NPAS3: variants seen among roughly 807,000 people sequenced by gnomAD.
NPAS3 encodes neuronal PAS domain protein 3, also known as neuronal PAS domain-containing protein 3.
Under a neutral mutation model 73.1 loss-of-function variants are expected in NPAS3, and 14 were observed. The ratio of observed to expected loss-of-function variants is 0.19; its 90% CI spans 0.13 to 0.30. The LOEUF (loss-of-function observed/expected upper bound fraction) is 0.30, where lower values mean the gene tolerates loss of function less well. Among genes scored for constraint, NPAS3 ranks in the 10% least tolerant of loss-of-function variants. The pLI is 1.00. For missense variants in NPAS3, 1,096 were observed against 1,250.0 expected (o/e 0.88, Z 1.86); for synonymous variants, 620 against 541.5 (o/e 1.14, Z -2.01).
rs550869349 is a variant in NPAS3, at chr14:33,638,659, T to C, written c.559-37552T>C. ...AACTTTGCAGTTGGTAGGGGCAACA[T>C]CATTGCTGGGCTCCTTGGGGAAAGA... is the stretch of plus-strand genomic sequence containing the variant. On this transcript the variant is annotated intron_variant, in intron 5 of 11. Transcript: ENST00000356141. 1.2e-4 allele frequency among the ~76,000 whole-genome samples: 18 copies of C among 152,328 alleles called. No homozygotes were observed. In the East Asian group the frequency reaches 2.3e-3, roughly 20 times the overall value.
intron 5 of NPAS3, among the ~76,000 whole-genome samples, chr14:33,605,393 T>TAAAA (rs57109563): frequency 7.6e-4 from 105 of 137,386 alleles, no homozygotes; most frequent in African/African-American, 2.1e-3. Flanking sequence ...GCATTCAAAT[T>TAAAA]AAAAAAAAAA....
At chr14:33,653,189 T>A (rs2059048696) in intron 5 of NPAS3, among the ~76,000 whole-genome samples, 2 of 152,228 alleles carry the variant, frequency 1.3e-5, no homozygotes, top group African/African-American at 4.8e-5. Flanking sequence ...CTAGCTGCTT[T>A]AAAGTAGGTC....
At chr14:33,603,576 G>A (rs1374489590) in intron 5 of NPAS3, among the ~76,000 whole-genome samples, 3 of 152,058 alleles carry the variant, frequency 2.0e-5, no homozygotes, top group Non-Finnish European at 2.9e-5. Context: ...AGCAGCAAGA[G>A]GGAAAAAGGA....
intron 2 of NPAS3, among the ~76,000 whole-genome samples, chr14:33,205,113 CAATCTT>C (rs1460898135): frequency 6.6e-6 from 1 of 152,086 alleles, no homozygotes; most frequent in Non-Finnish European, 1.5e-5. Flanking sequence ...TAGAAATAAA[CAATCTT>C]AATATTTTGA....
intron 8 of NPAS3, 138 bp downstream of exon 8, chr14:33,774,668 T>A (rs1415833031): frequency 1.5e-6 from 1 of 655,104 alleles, no homozygotes; most frequent in African/African-American, 1.8e-5. Flanking sequence ...CCACTTGGAC[T>A]GACACCAAAC....
chr14:33,352,388 A>T (rs1479563603), intron 3 of NPAS3, among the ~76,000 whole-genome samples: 1 of 152,210 alleles, frequency 6.6e-6, no homozygotes. Context: ...TGCTACAGAG[A>T]GATTAAAAAT....
intron 5 of NPAS3, among the ~76,000 whole-genome samples, chr14:33,637,632 C>A (rs2058558477): frequency 6.6e-6 from 1 of 152,160 alleles, no homozygotes; most frequent in Non-Finnish European, 1.5e-5. Flanking sequence ...ATCAATACAT[C>A]TTAGGCAAGG....
intron 2 of NPAS3, among the ~76,000 whole-genome samples, chr14:33,115,222 T>A (rs117201400): frequency 5.7e-4 from 87 of 152,184 alleles, no homozygotes; most frequent in Admixed American, 1.2e-3. Flanking sequence ...ACTTTGATAG[T>A]TGGTGGGTGA....
chr14:33,270,540 G>A (rs183326219), intron 3 of NPAS3, among the ~76,000 whole-genome samples: 4 of 152,238 alleles, frequency 2.6e-5, no homozygotes, highest in Admixed American at 2.0e-4. Context: ...GGAAAAGGGA[G>A]AGATGGAAGG....
At chr14:33,146,097 T>C (rs1037542301) in intron 2 of NPAS3, among the ~76,000 whole-genome samples, 8 of 152,170 alleles carry the variant, frequency 5.3e-5, no homozygotes, top group African/African-American at 1.9e-4. Flanking sequence ...AGATTATGCC[T>C]CTCAAAAAAT....
At chr14:33,705,828 A>G (rs973242415) in intron 6 of NPAS3, among the ~76,000 whole-genome samples, 16 of 152,252 alleles carry the variant, frequency 1.1e-4, no homozygotes, top group African/African-American at 3.6e-4. Context: ...CTATTTTCAT[A>G]AGGAAACTAA....
At chr14:33,424,074 T>C (rs923614810) in intron 4 of NPAS3, among the ~76,000 whole-genome samples, 4 of 151,970 alleles carry the variant, frequency 2.6e-5, no homozygotes, top group Non-Finnish European at 4.4e-5. Flanking sequence ...AAATTGCAGC[T>C]ATAACAAATG....
At chr14:33,171,785 G>A (rs185973072) in intron 2 of NPAS3, among the ~76,000 whole-genome samples, 5 of 152,206 alleles carry the variant, frequency 3.3e-5, no homozygotes, top group Non-Finnish European at 5.9e-5. Context: ...CTTGGTGCAA[G>A]TGACCTAGCT....
chr14:33,316,339 T>C (rs2043206946), intron 3 of NPAS3, among the ~76,000 whole-genome samples: 1 of 152,002 alleles, frequency 6.6e-6, no homozygotes, highest in African/African-American at 2.4e-5. Context: ...AAGTGGAAAA[T>C]ACGTGAGCAG....
At chr14:33,428,744 A>G (rs1275007913) in intron 4 of NPAS3, among the ~76,000 whole-genome samples, 2 of 152,168 alleles carry the variant, frequency 1.3e-5, no homozygotes, top group Non-Finnish European at 2.9e-5. Flanking sequence ...CATGAGAAAA[A>G]TGACCTTTCT....
intron 6 of NPAS3, among the ~76,000 whole-genome samples, chr14:33,718,946 G>A (rs538149496): frequency 1.8e-4 from 27 of 152,158 alleles, no homozygotes; most frequent in African/African-American, 6.5e-4. Context: ...GGGTAACGTA[G>A]CAAGACCCCA....
chr14:33,138,812 G>C (rs1412749475), intron 2 of NPAS3, among the ~76,000 whole-genome samples: 1 of 152,108 alleles, frequency 6.6e-6, no homozygotes, highest in Non-Finnish European at 1.5e-5. Context: ...TGAGTGATAG[G>C]GTTATATACT....
chr14:33,066,276 A>G (rs1188123329), intron 2 of NPAS3, among the ~76,000 whole-genome samples: 1 of 152,162 alleles, frequency 6.6e-6, no homozygotes, highest in Non-Finnish European at 1.5e-5. Context: ...GTTTGGAGAA[A>G]CATCCAGCGG....
chr14:33,226,583 A>G (rs1201652301), intron 3 of NPAS3, among the ~76,000 whole-genome samples: 2 of 152,198 alleles, frequency 1.3e-5, no homozygotes, highest in Non-Finnish European at 2.9e-5. Flanking sequence ...ATAACATAAT[A>G]TAATTTTCAT....
Sources: allele counts gnomAD v4.1 joint callset (sites outside exome capture counted in the v4.1 genomes callset), GRCh38; gene constraint gnomAD v4.1.1; transcripts MANE v1.5; gene names NCBI Gene and HGNC (gene_info 2026-07-23, HGNC 2026-07-21).